Variants in PTPN21 observed in about 807,000 individuals in gnomAD.
PTPN21 encodes the protein tyrosine-protein phosphatase non-receptor type 21.
In PTPN21, 77 loss-of-function variants were observed where a neutral mutation model predicts 131.8. The ratio of observed to expected loss-of-function variants is 0.58; its 90% confidence interval spans 0.49 to 0.71. The LOEUF is 0.71. Among genes scored for constraint, PTPN21 ranks in the 30% least tolerant of loss-of-function variants. The pLI, the probability that PTPN21 is intolerant of heterozygous loss-of-function variation, is 0.00. For synonymous variants in PTPN21, 715 were observed against 621.3 expected, an observed-to-expected ratio of 1.15 and a Z score of -2.24; for missense variants, 1,552 against 1,527.1, an observed-to-expected ratio of 1.02 and a Z score of -0.27.
chr14:88,549,441 G>A (rs1484323929), intron 2 of PTPN21, among the ~76,000 whole-genome samples: 1 of 152,024 alleles, frequency 6.6e-6, no homozygotes, highest in East Asian at 1.9e-4. Flanking sequence ...GTTCTTATAG[G>A]GCACCCCAAG....
intron 6 of PTPN21, among the ~76,000 whole-genome samples, chr14:88,502,254 G>C (rs1015960284): frequency 2.6e-5 from 4 of 152,168 alleles, no homozygotes; most frequent in African/African-American, 9.7e-5. Context: ...TCTTCAGATA[G>C]AATATGTTCC....
chr14:88,490,198 G>A (rs1210229921), intron 10 of PTPN21, among the ~76,000 whole-genome samples: 2 of 151,900 alleles, frequency 1.3e-5, no homozygotes, highest in African/African-American at 2.4e-5. Flanking sequence ...TAGTAGAGAC[G>A]GGGTTTCACC....
chr14:88,519,955 T>TC (rs1391544635), intron 2 of PTPN21, among the ~76,000 whole-genome samples: 1 of 152,200 alleles, frequency 6.6e-6, no homozygotes, highest in Non-Finnish European at 1.5e-5. Flanking sequence ...AGCCAGTGTT[T>TC]CCCCCAGGTA....
At chr14:88,547,583 T>C in intron 2 of PTPN21, 1 of 444,830 alleles carries the variant, frequency 2.2e-6, no homozygotes, top group Middle Eastern at 3.4e-4. Flanking sequence ...AGCCTAGGTG[T>C]TTGAGGATGC....
rs1294611765 is a variant in PTPN21, at chr14:88,466,501, A to G, written c.*1636T>C. ...TGACATGGGAATCAAAATGATGCCTAGAATAGTGTAATTTGGGAAACAGCC... is the reference window on the plus strand; with the variant it reads ...TGACATGGGAATCAAAATGATGCCTGGAATAGTGTAATTTGGGAAACAGCC... On this transcript the variant is annotated 3_prime_UTR_variant, in exon 19 of 19. Coordinates refer to ENST00000556564, the MANE Select transcript of PTPN21 (RefSeq NM_007039.4). 6.6e-6 allele frequency: 1 copy of G among 152,192 alleles called. No individual in the cohort carries two copies. The highest frequency in any genetic ancestry group is 1.5e-5 in the Non-Finnish European group (1 of 68,036). The allele number at this position is 152,192 out of a possible 1,614,324, so 9.4% of individuals were successfully genotyped here.
At chr14:88,492,332 G>A (rs2077837328) in intron 10 of PTPN21, among the ~76,000 whole-genome samples, 1 of 152,202 alleles carries the variant, frequency 6.6e-6, no homozygotes, top group South Asian at 2.1e-4. Context: ...AACCAGGCCA[G>A]CCCCAGGGAA....
chr14:88,518,384 G>GTATATATATATATATATATA (rs1383018796), intron 2 of PTPN21, among the ~76,000 whole-genome samples: 1 of 13,330 alleles, frequency 7.5e-5, no homozygotes, highest in Non-Finnish European at 1.6e-4. Context: ...ATGTGTGTGT[G>GTATATATATATATATATATA]TGTATATATA....
rs750253856 is a variant in PTPN21, at chr14:88,479,467, C to A, written c.1964G>T (p.Arg655Leu). The change falls in exon 13 of 19, where the codon CGC (arginine) becomes CTC (leucine). Residue 655 changes from arginine to leucine, a missense_variant. Around this residue, in one of 4 missense-constraint regions of PTPN21, gnomAD observed 1,016 missense variants for 883.5 expected, o/e 1.15. Coordinates refer to ENST00000556564, the MANE Select transcript of PTPN21 (RefSeq NM_007039.4). ...CTCTGCCGCCGACGCGGATAGGGTG[C>A]GCTCCTTGAGCCGCAGGCCCTCCAG... is the stretch of plus-strand genomic sequence containing the variant. ...HGLEGLRLKE[R>L]TLSASAAEVA... 5.6e-6 allele frequency: 9 copies of A among 1,602,386 alleles called. No homozygotes were observed. The highest frequency in any genetic ancestry group is 1.3e-5 in the African/African-American group (1 of 74,874).
In PTPN21 at chr14:88,485,162, T is replaced by G; in HGVS notation, c.994-2A>C. 1.3e-6 allele frequency: 2 copies of G among 1,575,632 alleles called. No individual in the cohort carries two copies. Among genetic ancestry groups the G allele is most frequent in the Non-Finnish European group, 1.7e-6 (2 of 1,152,786 alleles). On this transcript the variant is annotated splice_acceptor_variant, in intron 11 of 18. Transcript: ENST00000556564. LOFTEE classifies it high-confidence loss of function. ...CATCACGTAGGGCTGGGGTTTAGGC[T>G]AAGAAATGGAGAGTTTGACACAGGG... is the stretch of plus-strand genomic sequence containing the variant.
In PTPN21 at chr14:88,479,794, T is replaced by C; in HGVS notation, c.1637A>G (p.Gln546Arg). 1 of 1,544,728 alleles carries C rather than the reference T, an allele frequency of 6.5e-7. No individual in the cohort carries two copies. The highest frequency in any genetic ancestry group is 8.7e-7 in the Non-Finnish European group (1 of 1,151,688). Reference sequence around the variant, plus strand: ...AGACGGGTAGTCCTGCGCCTGCAGCTGCGCATTGGTCAGCTCCGGCACGCT... The same window carrying C: ...AGACGGGTAGTCCTGCGCCTGCAGCCGCGCATTGGTCAGCTCCGGCACGCT... Reference protein sequence around the residue: ...AVSVPELTNAQLQAQDYPSPN... With the variant: ...AVSVPELTNARLQAQDYPSPN... The change falls in exon 13 of 19, where the codon CAG (glutamine) becomes CGG (arginine). Residue 546 changes from glutamine (Q) to arginine (R), a missense_variant. Transcript: ENST00000556564.
At chr14:88,550,005 C>T (rs1006221127) in intron 2 of PTPN21, among the ~76,000 whole-genome samples, 17 of 152,196 alleles carry the variant, frequency 1.1e-4, no homozygotes, top group African/African-American at 4.1e-4. Context: ...AGGCTGGTCT[C>T]GAACTCCTGA....
chr14:88,526,879 C>G (rs942026605), intron 2 of PTPN21, among the ~76,000 whole-genome samples: 2 of 152,126 alleles, frequency 1.3e-5, no homozygotes, highest in Non-Finnish European at 2.9e-5. Context: ...TAGCTTAGCT[C>G]CCACTTACAA....
At chr14:88,493,991 C>A (rs1223648949) in intron 10 of PTPN21, among the ~76,000 whole-genome samples, 1 of 152,146 alleles carries the variant, frequency 6.6e-6, no homozygotes, top group African/African-American at 2.4e-5. Context: ...TCCTCAAGCA[C>A]TGCTCTAGAG....
rs554411702 is a variant in PTPN21, at chr14:88,512,817, A to G, written c.350+4275T>C. On this transcript the variant is annotated intron_variant, in intron 3 of 18. Transcript: ENST00000556564. ...GTGCAGACTGGAAGCTTGCTTTGAT[A>G]CAAGTTCATTTTAGTCATTTTCATC... 5.3e-5 allele frequency among the ~76,000 whole-genome samples: 8 copies of G among 152,330 alleles called. No individual in the cohort carries two copies. The South Asian group carries it at 1.7e-3, about 32-fold the overall frequency.
At position 88,518,576 on chromosome 14, in the gene PTPN21, T is replaced by C. The variant is rs529440147; in HGVS notation, c.181-1315A>G. Among the ~76,000 whole-genome samples the C allele has an allele frequency of 7.0e-4, 104 of 148,398 alleles. 1 individual carries two copies. The highest frequency in any genetic ancestry group is 2.5e-3 in the African/African-American group (103 of 40,470). On this transcript the variant is annotated intron_variant, in intron 2 of 18. Coordinates refer to ENST00000556564, the MANE Select transcript of PTPN21 (RefSeq NM_007039.4). ...CTCCAGAGTAGCCAAGATTATAGCA[T>C]GCACCACCACACCCAGCTAATTTTT...
chr14:88,524,140 T>C (rs1338129397), intron 2 of PTPN21, among the ~76,000 whole-genome samples: 1 of 152,156 alleles, frequency 6.6e-6, no homozygotes, highest in East Asian at 1.9e-4. Context: ...CAAATTCACA[T>C]GGGCCTGCAA....
At position 88,480,185 on chromosome 14, in the gene PTPN21, A is replaced by C; in HGVS notation, c.1246T>G (p.Ser416Ala). The change falls in exon 13 of 19, where the codon TCG becomes GCG. Residue 416 changes from serine to alanine, a missense_variant. This residue lies in a region of PTPN21 where 1,016 missense variants were observed against 883.5 expected (regional missense o/e 1.15). Transcript: ENST00000556564. ...PQPYLQPSPM[S>A]SNPSITGSDV... ...CTCCCGGTGATGCTAGGGTTGGACGACATCGGCGAGGGCTGCAAGTAGGGC... is the reference window on the plus strand; with the variant it reads ...CTCCCGGTGATGCTAGGGTTGGACGCCATCGGCGAGGGCTGCAAGTAGGGC... The C allele has an allele frequency of 1.2e-6, 2 of 1,614,166 alleles. No homozygotes were observed. The highest frequency in any genetic ancestry group is 1.7e-6 in the Non-Finnish European group (2 of 1,180,018).
intron 2 of PTPN21, among the ~76,000 whole-genome samples, chr14:88,518,559 T>C (rs1283565246): frequency 7.0e-6 from 1 of 143,198 alleles, no homozygotes; most frequent in African/African-American, 2.6e-5. Flanking sequence ...GCCTCCAGAG[T>C]AGCCAAGATT....
At chr14:88,481,070 T>C (rs555776362) in intron 12 of PTPN21, among the ~76,000 whole-genome samples, 28 of 152,316 alleles carry the variant, frequency 1.8e-4, no homozygotes, top group African/African-American at 6.5e-4. Flanking sequence ...TTTCTTCTAG[T>C]CAATTTGTAG....
Sources: allele counts gnomAD v4.1 joint callset (sites outside exome capture counted in the v4.1 genomes callset), GRCh38; gene constraint gnomAD v4.1.1; regional missense constraint gnomAD v4.1.1; transcripts MANE v1.5; gene names NCBI Gene and HGNC (gene_info 2026-07-23, HGNC 2026-07-21).